The following USP37 variants were observed in gnomAD, a reference collection of about 807,000 sequenced individuals.
The protein encoded by USP37 is ubiquitin carboxyl-terminal hydrolase 37.
USP37 carries 27 observed loss-of-function variants against 124.0 expected under a neutral mutation model. The observed-to-expected ratio is 0.22, with a 90% CI of 0.16 to 0.30. USP37 has a LOEUF of 0.30. Among genes scored for constraint, USP37 ranks in the 10% least tolerant of loss-of-function variants. The pLI, the probability that USP37 is intolerant of heterozygous loss-of-function variation, is 1.00. For synonymous variants in USP37, 365 were observed against 388.0 expected, an observed-to-expected ratio of 0.94 and a Z score of 0.70; for missense variants, 889 against 1,140.4, an observed-to-expected ratio of 0.78 and a Z score of 3.17.
intron 10 of USP37, among the ~76,000 whole-genome samples, chr2:218,515,507 A>T (rs1466106390): frequency 6.6e-6 from 1 of 152,226 alleles, no homozygotes; most frequent in Non-Finnish European, 1.5e-5. Flanking sequence ...CAGAGAACAG[A>T]AACTGGACCC....
chr2:218,484,655 C>CA (rs10671242), intron 16 of USP37, among the ~76,000 whole-genome samples: 88,517 of 147,374 alleles, frequency 0.6, 26,615 homozygotes, highest in East Asian at 0.89. Flanking sequence ...AACAAACAAC[C>CA]AAAAAAAAAA....
intron 10 of USP37, among the ~76,000 whole-genome samples, chr2:218,519,447 T>C (rs1247350762): frequency 6.6e-6 from 1 of 152,198 alleles, no homozygotes; most frequent in Non-Finnish European, 1.5e-5. Context: ...TGTGGAGTAA[T>C]GTACTAGGCT....
intron 10 of USP37, among the ~76,000 whole-genome samples, chr2:218,511,749 C>T (rs1690010088): frequency 6.6e-6 from 1 of 151,926 alleles, no homozygotes; most frequent in Non-Finnish European, 1.5e-5. Context: ...ATCTGGCCCA[C>T]ATTCTAATTT....
intron 9 of USP37, among the ~76,000 whole-genome samples, chr2:218,532,042 G>A (rs1691354322): frequency 6.6e-6 from 1 of 152,214 alleles, no homozygotes. Context: ...GAAAACAATG[G>A]TAGTGTCTGA....
chr2:218,558,792 T>A, intron 3 of USP37, 115 bp from the exon 4 acceptor site: 1 of 770,152 alleles, frequency 1.3e-6, no homozygotes, highest in Admixed American at 2.8e-5. Flanking sequence ...CTTCTGCGCC[T>A]TCATTTTCCC....
In USP37 at chr2:218,520,345, C is replaced by CTTT. The variant is rs542332442; in HGVS notation, c.863+9608_863+9610dup. ...ACTCATATTTAAACCTTGCCAACAG[C>CTTT]TTTTTTTTTTTTTTTTTTCCAGAGA... is the stretch of plus-strand genomic sequence containing the variant. On this transcript the variant is annotated intron_variant, in intron 10 of 25. Coordinates refer to ENST00000258399, the MANE Select transcript of USP37 (RefSeq NM_020935.3). Among the ~76,000 whole-genome samples the CTTT allele has an allele frequency of 1.4e-3, 171 of 125,878 alleles. 2 individuals are homozygous for CTTT. In the East Asian group the frequency reaches 0.036, roughly 26 times the overall value. The allele number at this position is 125,878 out of a possible 152,430, so 82.6% of individuals were successfully genotyped here. A position where few individuals can be genotyped will look rare whatever the true frequency, so the allele number is the denominator to read the frequency against.
At position 218,497,731 on chromosome 2, in the gene USP37, C is replaced by T. The variant is rs751652889; in HGVS notation, c.1281+3G>A. 2.4e-5 allele frequency: 38 copies of T among 1,613,676 alleles called. No homozygotes were observed. The South Asian group carries it at 3.6e-4, about 15-fold the overall frequency. ...GAAACGTTTTAAAACAATTAATACT[C>T]ACATTCTGCATATAACCAGAGAATC... On this transcript the variant is annotated splice_donor_region_variant and intron_variant, in intron 13 of 25. Coordinates refer to ENST00000258399, the MANE Select transcript of USP37 (RefSeq NM_020935.3).
chr2:218,484,461 A>C (rs900052600), intron 16 of USP37, among the ~76,000 whole-genome samples: 1 of 151,904 alleles, frequency 6.6e-6, no homozygotes, highest in African/African-American at 2.4e-5. Context: ...GTCTCTACTA[A>C]AAATACAAAA....
rs1403116632 is a variant in USP37, at chr2:218,482,065, C to T, written c.1835+5G>A. On this transcript the variant is annotated splice_donor_5th_base_variant and intron_variant, in intron 17 of 25. Coordinates refer to ENST00000258399, the MANE Select transcript of USP37 (RefSeq NM_020935.3). ...ATATAAAGACATAGTCTCTCAAGGA[C>T]TTACATTGCCATATGTGCACTCCAA... is the stretch of plus-strand genomic sequence containing the variant. 2 of 1,604,322 alleles carry T rather than the reference C, an allele frequency of 1.2e-6. No individual in the cohort carries two copies. Among genetic ancestry groups the T allele is most frequent in the South Asian group, 2.2e-5 (2 of 89,862 alleles).
chr2:218,527,172 C>T (rs1691027616), intron 10 of USP37, among the ~76,000 whole-genome samples: 2 of 152,184 alleles, frequency 1.3e-5, no homozygotes, highest in South Asian at 4.1e-4. Context: ...GCCTGGCCGT[C>T]TACCCTGCAT....
At chr2:218,508,940 T>G (rs1359983277) in intron 11 of USP37, among the ~76,000 whole-genome samples, 2 of 152,144 alleles carry the variant, frequency 1.3e-5, no homozygotes, top group East Asian at 3.8e-4. Context: ...AACAAATAAG[T>G]TAATAGGTTA....
At chr2:218,465,437 T>G (rs547206228) in intron 21 of USP37, among the ~76,000 whole-genome samples, 49 of 151,194 alleles carry the variant, frequency 3.2e-4, no homozygotes, top group Non-Finnish European at 4.9e-4. Context: ...AAAATAAAAA[T>G]AAAAAGAAAA....
At chr2:218,500,317 T>C (rs1414283468) in intron 11 of USP37, among the ~76,000 whole-genome samples, 1 of 152,152 alleles carries the variant, frequency 6.6e-6, no homozygotes. Context: ...TGGAGTGCAG[T>C]GGTGTCATCT....
chr2:218,555,395 GCAT>G (rs764089513), intron 4 of USP37, among the ~76,000 whole-genome samples: 12 of 152,024 alleles, frequency 7.9e-5, no homozygotes, highest in Non-Finnish European at 1.2e-4. Flanking sequence ...TGTATTTTTA[GCAT>G]CAAAGTGGGT....
chr2:218,538,412 C>A (rs1012883479), intron 8 of USP37, among the ~76,000 whole-genome samples: 4 of 152,154 alleles, frequency 2.6e-5, no homozygotes, highest in African/African-American at 9.7e-5. Context: ...TATGGACAGA[C>A]TTATGGGAGT....
intron 11 of USP37, among the ~76,000 whole-genome samples, chr2:218,508,369 G>A (rs1399001032): frequency 1.3e-5 from 2 of 151,820 alleles, no homozygotes; most frequent in Admixed American, 1.3e-4. Flanking sequence ...TAAAAAAGAG[G>A]AAAGATGTAT....
chr2:218,456,063 C>T (rs549885439), intron 24 of USP37, among the ~76,000 whole-genome samples: 13 of 150,856 alleles, frequency 8.6e-5, no homozygotes, highest in East Asian at 6.0e-4. Context: ...TAAACAAAAA[C>T]GCATTAATTT....
chr2:218,516,747 C>G (rs1021145584), intron 10 of USP37, among the ~76,000 whole-genome samples: 1 of 152,018 alleles, frequency 6.6e-6, no homozygotes, highest in African/African-American at 2.4e-5. Context: ...CTAGGGTGCT[C>G]ATAGTTACTT....
chr2:218,505,038 A>T (rs1003484028), intron 11 of USP37, among the ~76,000 whole-genome samples: 10 of 152,098 alleles, frequency 6.6e-5, no homozygotes, highest in Non-Finnish European at 1.0e-4. Context: ...GGGGGGAAAT[A>T]GTGTCTCATT....
Sources: allele counts gnomAD v4.1 joint callset (sites outside exome capture counted in the v4.1 genomes callset), GRCh38; gene constraint gnomAD v4.1.1; transcripts MANE v1.5; gene names NCBI Gene and HGNC (gene_info 2026-07-23, HGNC 2026-07-21).